MAP3K4: variants seen among roughly 807,000 people sequenced by gnomAD.
The protein encoded by MAP3K4 is MAP three kinase 1.
MAP3K4 carries 67 observed loss-of-function variants against 185.6 expected under a neutral mutation model. The observed-to-expected ratio is 0.36, with a 90% CI of 0.30 to 0.44. The LOEUF (loss-of-function observed/expected upper bound fraction) is 0.44, where lower values mean the gene tolerates loss of function less well. Among genes scored for constraint, MAP3K4 ranks in the 20% least tolerant of loss-of-function variants. The probability of loss-of-function intolerance (pLI) is 1.00; values close to 1 mark genes in which losing one functional copy is unlikely to be tolerated. For missense variants in MAP3K4, 1,551 were observed against 1,995.1 expected, an observed-to-expected ratio of 0.78 and a Z score of 4.24; for synonymous variants, 702 against 710.4, an observed-to-expected ratio of 0.99 and a Z score of 0.19.
rs2140651 is a variant in MAP3K4 at position 161,107,050 on chromosome 6, G to A, written c.4048+345G>A. 0.49 allele frequency among the ~76,000 whole-genome samples: 51,887 copies of A among 104,908 alleles called. 9,147 individuals are homozygous for A. The highest frequency in any genetic ancestry group is 0.52 in the East Asian group (1,166 of 2,258). The allele number at this position is 104,908 out of a possible 152,430, so 68.8% of individuals were successfully genotyped here. On this transcript the variant is annotated intron_variant, in intron 20 of 26. Transcript: ENST00000392142. The surrounding 1 kb of genome is among the most constrained non-coding windows in gnomAD (Gnocchi z 6.2). ...TCTCTCTCTCTCTACACACGCGCGC[G>A]CACACACACACACACACACACACAC... is the stretch of plus-strand genomic sequence containing the variant.
Position 161,110,038 on chromosome 6 carries a change from G to T in MAP3K4, c.4396+124G>T. The T allele has an allele frequency of 2.0e-6, 2 of 991,926 alleles. No individual in the cohort carries two copies. Among genetic ancestry groups the T allele is most frequent in the Non-Finnish European group, 3.0e-6 (2 of 660,150 alleles). 61.4% of individuals were successfully genotyped at this position (991,926 alleles called of 1,614,324 possible). ...TCTCTAGATGGAAATACCTTTCATT[G>T]AAATACGCCTCTATAAGGATCCTGT... On this transcript the variant is annotated intron_variant, in intron 23 of 26. Transcript: ENST00000392142. The surrounding 1 kb of genome is among the most constrained non-coding windows in gnomAD (Gnocchi z 4.8).
rs1306116086 is a variant in MAP3K4, at chr6:161,063,759, A to G, written c.1708-6849A>G. On this transcript the variant is annotated intron_variant, in intron 3 of 26. Transcript: ENST00000392142. The surrounding 1 kb of genome is among the most constrained non-coding windows in gnomAD (Gnocchi z 5.4). ...GCCAACCCCTTGCCTTCACTCATGA[A>G]TAGTGCCAAAATCATTCCTAATTTC... 2.0e-5 allele frequency among the ~76,000 whole-genome samples: 3 copies of G among 152,192 alleles called. No homozygotes were observed. Among genetic ancestry groups the G allele is most frequent in the Non-Finnish European group, 4.4e-5 (3 of 68,044 alleles).
At chr6:161,079,216 G>A (rs368078359) in intron 5 of MAP3K4, among the ~76,000 whole-genome samples, 632 of 115,858 alleles carry the variant, frequency 5.5e-3, no homozygotes, top group Middle Eastern at 6.5e-3. Context: ...CCTGTCTCAA[G>A]AAAAAAAAAA....
intron 11 of MAP3K4, among the ~76,000 whole-genome samples, chr6:161,090,203 ATCTC>A (rs1278285752): frequency 3.3e-5 from 5 of 152,230 alleles, no homozygotes; most frequent in Admixed American, 6.5e-5. Flanking sequence ...TATTTAGGTT[ATCTC>A]TCTCTATGGA....
rs757424021 is a variant in MAP3K4, at chr6:161,093,805, C to T, written c.3381C>T (p.Gly1127=). 6.2e-7 allele frequency: 1 copy of T among 1,613,290 alleles called. No individual in the cohort carries two copies. Among genetic ancestry groups the T allele is most frequent in the South Asian group, 1.1e-5 (1 of 90,968 alleles). Residue 1127 remains glycine, a synonymous_variant, in exon 15 of 27, where the codon GGC becomes GGT. Transcript: ENST00000392142. This position sits in a 1 kb window ranked among gnomAD's most constrained non-coding sequence, Gnocchi z 5.2. ...SLQALMNECI[G]HVIGKPHSPV... is the part of the protein sequence containing the mutation. ...AAGCCTTGATGAATGAATGCATTGG[C>T]CATGTCATAGGAAAACCACACAGTC...
In MAP3K4 at chr6:161,054,614, T is replaced by C. The variant is rs548864982; in HGVS notation, c.1707+4635T>C. Among the ~76,000 whole-genome samples, 5 of 152,390 alleles carry C rather than the reference T, an allele frequency of 3.3e-5. No homozygotes were observed. Among genetic ancestry groups the C allele is most frequent in the East Asian group, 1.9e-4 (1 of 5,194 alleles). The stretch of plus-strand genomic sequence containing the variant: ...TCAAAATTATATGAAGTTGTAGCTC[T>C]GTACCTTCTGTAAATTGATTTCCTC... On this transcript the variant is annotated intron_variant, in intron 3 of 26. Transcript: ENST00000392142. This position sits in a 1 kb window ranked among gnomAD's most constrained non-coding sequence, Gnocchi z 4.2.
In MAP3K4 at chr6:161,009,235, C is replaced by T. The variant is rs1362605329; in HGVS notation, c.152+17152C>T. ...TCTTGACCTCGTCATCCACCCGCCT[C>T]GGCCTCCCAAAGTGCTGGGATTACA... is the stretch of plus-strand genomic sequence containing the variant. On this transcript the variant is annotated intron_variant, in intron 1 of 26. Coordinates refer to ENST00000392142, the MANE Select transcript of MAP3K4 (RefSeq NM_005922.4). 2.6e-5 allele frequency among the ~76,000 whole-genome samples: 4 copies of T among 152,254 alleles called. No homozygotes were observed. The East Asian group carries it at 7.7e-4, about 29-fold the overall frequency.
At chr6:161,058,123 A>G (rs1484330188) in intron 3 of MAP3K4, among the ~76,000 whole-genome samples, 1 of 152,266 alleles carries the variant, frequency 6.6e-6, no homozygotes, top group Non-Finnish European at 1.5e-5. Context: ...TGGCAGAGCC[A>G]GGATATGAAC....
Position 161,098,165 on chromosome 6 carries a change from A to G in MAP3K4, c.3525-113A>G. The stretch of plus-strand genomic sequence containing the variant: ...AATCTCAAAGAACAATTTGCATTTT[A>G]TATTTTTAAATATATTTCACCCCCT... On this transcript the variant is annotated intron_variant, in intron 16 of 26. Transcript: ENST00000392142. The surrounding 1 kb of genome is among the most constrained non-coding windows in gnomAD (Gnocchi z 4.4). 8.2e-7 allele frequency: 1 copy of G among 1,216,170 alleles called. No homozygotes were observed. The allele number at this position is 1,216,170 out of a possible 1,614,324, so 75.3% of individuals were successfully genotyped here.
At position 161,086,275 on chromosome 6, in the gene MAP3K4, T is replaced by G. The variant is rs754829617; in HGVS notation, c.2373-104T>G. 31 of 621,932 alleles carry G rather than the reference T, an allele frequency of 5.0e-5. No homozygotes were observed. Among genetic ancestry groups the G allele is most frequent in the Non-Finnish European group, 8.7e-5 (31 of 356,386 alleles). The allele number at this position is 621,932 out of a possible 1,614,324, so 38.5% of individuals were successfully genotyped here. On this transcript the variant is annotated intron_variant, in intron 7 of 26. Coordinates refer to ENST00000392142, the MANE Select transcript of MAP3K4 (RefSeq NM_005922.4). This position sits in a 1 kb window ranked among gnomAD's most constrained non-coding sequence, Gnocchi z 4.8. ...ATTTAAAAAATCCTCAGTCTTTATT[T>G]ATTACTGTGATTTGGAATTTGCTTC...
At position 161,114,585 on chromosome 6, in the gene MAP3K4, C is replaced by T. The variant is rs147354938; in HGVS notation, c.4627-538C>T. Among the ~76,000 whole-genome samples the T allele has an allele frequency of 2.6e-4, 39 of 152,258 alleles. No homozygotes were observed. The East Asian group carries it at 5.2e-3, about 20-fold the overall frequency. On this transcript the variant is annotated intron_variant, in intron 25 of 26. Coordinates refer to ENST00000392142, the MANE Select transcript of MAP3K4 (RefSeq NM_005922.4). The surrounding 1 kb of genome is among the most constrained non-coding windows in gnomAD (Gnocchi z 4.3). ...ATTGAAGAATACATATTGGCAATGA[C>T]GAAACAATAGTTTAGAAATTAGAAT...
chr6:161,098,681 TAAC>T lies in MAP3K4; in HGVS notation c.3674+255_3674+257del, dbSNP rs1200377842. Among the ~76,000 whole-genome samples the T allele has an allele frequency of 2.0e-5, 3 of 152,172 alleles. No homozygotes were observed. The highest frequency in any genetic ancestry group is 2.0e-4 in the Admixed American group (3 of 15,288). ...AAATGACTAAAGACTTTGCGAAGAA[TAAC>T]TTGATGGAGTATCATAGGAAAGGAC... is the stretch of plus-strand genomic sequence containing the variant. On this transcript the variant is annotated intron_variant, in intron 17 of 26. Coordinates refer to ENST00000392142, the MANE Select transcript of MAP3K4 (RefSeq NM_005922.4). This position sits in a 1 kb window ranked among gnomAD's most constrained non-coding sequence, Gnocchi z 4.4.
chr6:161,061,983 G>C lies in MAP3K4; in HGVS notation c.1708-8625G>C, dbSNP rs1042956132. Among the ~76,000 whole-genome samples the C allele has an allele frequency of 6.6e-6, 1 of 152,104 alleles. No homozygotes were observed. Among genetic ancestry groups the C allele is most frequent in the African/African-American group, 2.4e-5 (1 of 41,410 alleles). ...AAAGAAGTTTAGCTTCTCTGACAGGGATAGTTAATCTTTTAAAACATTTTA... is the reference window on the plus strand; with the variant it reads ...AAAGAAGTTTAGCTTCTCTGACAGGCATAGTTAATCTTTTAAAACATTTTA... On this transcript the variant is annotated intron_variant, in intron 3 of 26. Transcript: ENST00000392142. This position sits in a 1 kb window ranked among gnomAD's most constrained non-coding sequence, Gnocchi z 4.2.
chr6:161,034,159 G>C lies in MAP3K4; in HGVS notation c.153-100G>C. 1 of 954,784 alleles carries C rather than the reference G, an allele frequency of 1.0e-6. No individual in the cohort carries two copies. The highest frequency in any genetic ancestry group is 2.7e-5 in the Admixed American group (1 of 37,544). 59.1% of individuals were successfully genotyped at this position (954,784 alleles called of 1,614,324 possible). On this transcript the variant is annotated intron_variant, in intron 1 of 26. Coordinates refer to ENST00000392142, the MANE Select transcript of MAP3K4 (RefSeq NM_005922.4). This position sits in a 1 kb window ranked among gnomAD's most constrained non-coding sequence, Gnocchi z 4.4. ...AGCACAGTGCTGAAGAGATTTTTCT[G>C]TACAAAAGTTTTACAAAGAATTATT... is the stretch of plus-strand genomic sequence containing the variant.
At chr6:161,094,128 T>G (rs931042965) in intron 15 of MAP3K4, among the ~76,000 whole-genome samples, 2 of 152,188 alleles carry the variant, frequency 1.3e-5, no homozygotes, top group African/African-American at 2.4e-5. Context: ...ACCATTCTTT[T>G]TTCCCCCTTA....
At chr6:161,099,129 A>C (rs911985172) in intron 17 of MAP3K4, among the ~76,000 whole-genome samples, 6 of 152,224 alleles carry the variant, frequency 3.9e-5, no homozygotes, top group African/African-American at 1.4e-4. Context: ...TCACACTTGT[A>C]CCTAAGTAGG....
chr6:161,080,917 C>T lies in MAP3K4; in HGVS notation c.2134C>T (p.Leu712=), dbSNP rs145722588. The part of the protein sequence containing the change: ...FDYMRSWIQM[L]QQLPQASHSL... Reference sequence around the variant, plus strand: ...TTACATGAGAAGCTGGATCCAAATGCTACAGCAATTACCTCAAGCATCGCA... The same window carrying T: ...TTACATGAGAAGCTGGATCCAAATGTTACAGCAATTACCTCAAGCATCGCA... The change falls in exon 6 of 27, where the codon CTA becomes TTA. Residue 712 remains leucine (L), a synonymous_variant. Transcript: ENST00000392142. This position sits in a 1 kb window ranked among gnomAD's most constrained non-coding sequence, Gnocchi z 4.8. 2 of 1,613,884 alleles carry T rather than the reference C, an allele frequency of 1.2e-6. No homozygotes were observed. The highest frequency in any genetic ancestry group is 2.2e-5 in the East Asian group (1 of 44,880).
chr6:161,083,481 A>G (rs1432434683), intron 6 of MAP3K4, among the ~76,000 whole-genome samples: 1 of 152,186 alleles, frequency 6.6e-6, no homozygotes, highest in Non-Finnish European at 1.5e-5. Context: ...CAGATATTTT[A>G]AAATTTACTC....
In MAP3K4 at chr6:161,008,790, T is replaced by C. The variant is rs1218153329; in HGVS notation, c.152+16707T>C. Among the ~76,000 whole-genome samples the C allele has an allele frequency of 6.6e-6, 1 of 152,150 alleles. No homozygotes were observed. The highest frequency in any genetic ancestry group is 1.5e-5 in the Non-Finnish European group (1 of 68,022). On this transcript the variant is annotated intron_variant, in intron 1 of 26. Transcript: ENST00000392142. This position sits in a 1 kb window ranked among gnomAD's most constrained non-coding sequence, Gnocchi z 4.1. ...TCATTATCCTGACATTTACTGATAT[T>C]TTACATCTACTACTTTCACTCAGCA...
Sources: allele counts gnomAD v4.1 joint callset (sites outside exome capture counted in the v4.1 genomes callset), GRCh38; gene constraint gnomAD v4.1.1; non-coding constraint Gnocchi (gnomAD v3.1); transcripts MANE v1.5; gene names NCBI Gene and HGNC (gene_info 2026-07-23, HGNC 2026-07-21).